The following SMYD3 variants were observed in gnomAD, a reference collection of about 807,000 sequenced individuals.
SMYD3 encodes histone-lysine N-methyltransferase SMYD3.
A neutral mutation model predicts 57.7 loss-of-function variants in SMYD3; 36 were observed. The observed-to-expected ratio is 0.62, with a 90% confidence interval of 0.48 to 0.82. The LOEUF is 0.82. SMYD3 is among the 40% of genes least tolerant of loss of function. The probability of loss-of-function intolerance (pLI) is 0.00; values close to 1 mark genes in which losing one functional copy is unlikely to be tolerated. For synonymous variants in SMYD3, 211 were observed against 195.0 expected, an observed-to-expected ratio of 1.08 and a Z score of -0.68; for missense variants, 515 against 538.8, an observed-to-expected ratio of 0.96 and a Z score of 0.44.
chr1:246,337,411 G>A (rs79718507), intron 2 of SMYD3, among the ~76,000 whole-genome samples: 3 of 151,998 alleles, frequency 2.0e-5, no homozygotes, highest in African/African-American at 7.2e-5. Context: ...TTTTTCACCT[G>A]GTCTTTGTAT....
At chr1:245,821,293 G>A (rs1572434853) in intron 10 of SMYD3, among the ~76,000 whole-genome samples, 1 of 150,708 alleles carries the variant, frequency 6.6e-6, no homozygotes, top group African/African-American at 2.4e-5. Flanking sequence ...GAAGCAATGG[G>A]GAAAGGATTC....
intron 1 of SMYD3, among the ~76,000 whole-genome samples, chr1:246,392,374 T>G (rs2066587570): frequency 6.6e-6 from 1 of 152,142 alleles, no homozygotes; most frequent in Non-Finnish European, 1.5e-5. Context: ...AGAGGAGCAC[T>G]CACTATGTGT....
chr1:246,131,944 C>T (rs1021037800), intron 5 of SMYD3, among the ~76,000 whole-genome samples: 1 of 151,996 alleles, frequency 6.6e-6, no homozygotes, highest in Non-Finnish European at 1.5e-5. Context: ...TCCTTCTGAG[C>T]ACAATGAAGA....
chr1:245,763,470 A>C (rs1294034427), intron 11 of SMYD3, among the ~76,000 whole-genome samples: 1 of 152,204 alleles, frequency 6.6e-6, no homozygotes, highest in Non-Finnish European at 1.5e-5. Flanking sequence ...GGGGGTTGTG[A>C]TGCGGAGAGC....
intron 5 of SMYD3, among the ~76,000 whole-genome samples, chr1:246,184,015 T>G (rs899547884): frequency 6.6e-6 from 1 of 152,198 alleles, no homozygotes; most frequent in Non-Finnish European, 1.5e-5. Flanking sequence ...CCGAAGGGCT[T>G]GAAATAACTC....
At chr1:245,761,454 C>T (rs1295173720) in intron 11 of SMYD3, among the ~76,000 whole-genome samples, 7 of 152,230 alleles carry the variant, frequency 4.6e-5, no homozygotes, top group South Asian at 2.1e-4. Context: ...AAATCCATAG[C>T]GAGATGTCTG....
chr1:246,281,800 T>C (rs923703719), intron 5 of SMYD3, among the ~76,000 whole-genome samples: 1 of 152,132 alleles, frequency 6.6e-6, no homozygotes, highest in Admixed American at 6.6e-5. Context: ...CATACGTGAC[T>C]ATGGAAAGAA....
chr1:245,765,408 T>G (rs2046043382), intron 10 of SMYD3, among the ~76,000 whole-genome samples: 1 of 151,858 alleles, frequency 6.6e-6, no homozygotes, highest in Non-Finnish European at 1.5e-5. Context: ...AAAAGTTTTT[T>G]CCTTGAGGCT....
intron 5 of SMYD3, among the ~76,000 whole-genome samples, chr1:246,142,395 A>C (rs2148119712): frequency 6.6e-6 from 1 of 151,912 alleles, no homozygotes; most frequent in African/African-American, 2.4e-5. Context: ...TCACCTTTTC[A>C]CTGAAGGAAG....
intron 1 of SMYD3, among the ~76,000 whole-genome samples, chr1:246,366,267 T>A (rs571325690): frequency 2.0e-5 from 3 of 152,318 alleles, no homozygotes; most frequent in South Asian, 4.1e-4. Context: ...TGATGGCAAT[T>A]CCTTAACATG....
At chr1:245,993,627 T>TAGACAGAC (rs1291070222) in intron 5 of SMYD3, among the ~76,000 whole-genome samples, 24 of 107,048 alleles carry the variant, frequency 2.2e-4, no homozygotes, top group African/African-American at 7.6e-4. Context: ...GATAGATAGA[T>TAGACAGAC]AGATAGACAG....
intron 5 of SMYD3, among the ~76,000 whole-genome samples, chr1:246,083,434 G>T (rs1045046297): frequency 6.6e-6 from 1 of 151,622 alleles, no homozygotes; most frequent in African/African-American, 2.4e-5. Context: ...TTACCCTATT[G>T]TCCTGCCACA....
intron 10 of SMYD3, among the ~76,000 whole-genome samples, chr1:245,776,217 G>A (rs1343939858): frequency 3.9e-5 from 6 of 152,114 alleles, no homozygotes; most frequent in African/African-American, 7.2e-5. Flanking sequence ...ACTTTTTAAT[G>A]TTCTGTTTAA....
At chr1:246,336,271 A>G (rs955248348) in intron 2 of SMYD3, among the ~76,000 whole-genome samples, 1 of 152,222 alleles carries the variant, frequency 6.6e-6, no homozygotes, top group African/African-American at 2.4e-5. Flanking sequence ...ACACGGAATC[A>G]CTTTCATATG....
At chr1:246,193,808 T>G (rs1349267936) in intron 5 of SMYD3, 1 of 152,278 alleles carries the variant, frequency 6.6e-6, no homozygotes, top group African/African-American at 2.4e-5. Flanking sequence ...CTCGCAGCTC[T>G]CCGGGTACTC....
intron 5 of SMYD3, among the ~76,000 whole-genome samples, chr1:246,180,672 C>A (rs1231615184): frequency 2.1e-5 from 3 of 141,952 alleles, no homozygotes. Flanking sequence ...CGCAGGAGAA[C>A]AGCTTGAACC....
intron 1 of SMYD3, among the ~76,000 whole-genome samples, chr1:246,409,657 G>T (rs74680150): frequency 6.6e-6 from 1 of 151,522 alleles, no homozygotes; most frequent in Non-Finnish European, 1.5e-5. Context: ...TTGGCAATGC[G>T]GGCTCTTTTT....
chr1:246,274,390 A>G (rs1327266803), intron 5 of SMYD3, among the ~76,000 whole-genome samples: 1 of 152,206 alleles, frequency 6.6e-6, no homozygotes, highest in Non-Finnish European at 1.5e-5. Flanking sequence ...GAAAGAACAC[A>G]GTCATATAAT....
chr1:246,115,670 G>A (rs939269752), intron 5 of SMYD3, among the ~76,000 whole-genome samples: 2 of 152,184 alleles, frequency 1.3e-5, no homozygotes, highest in African/African-American at 4.8e-5. Context: ...TGTCCCCAGT[G>A]TCATAGATGA....
Sources: gnomAD v4.1 joint callset for allele counts (sites outside exome capture counted in the v4.1 genomes callset) on GRCh38, gnomAD v4.1.1 for gene constraint, MANE v1.5 for transcripts, NCBI Gene and HGNC (gene_info 2026-07-23, HGNC 2026-07-21) for gene names.